EFCAB6: variants seen among roughly 807,000 people sequenced by gnomAD.
EFCAB6 encodes the protein EF-hand calcium binding domain 6.
In EFCAB6, 156 loss-of-function variants were observed where a neutral mutation model predicts 169.8. That is an observed-to-expected ratio of 0.92 (90% CI 0.81 to 1.05). EFCAB6 has a LOEUF of 1.05. EFCAB6 is among the 50% of genes least tolerant of loss of function. EFCAB6 has a pLI of 0.00. For missense variants in EFCAB6, 1,800 were observed against 1,829.1 expected (o/e 0.98, Z 0.29); for synonymous variants, 698 against 676.4 (o/e 1.03, Z -0.50).
intron 10 of EFCAB6, among the ~76,000 whole-genome samples, chr22:43,701,651 G>C (rs1304592314): frequency 6.6e-6 from 1 of 150,562 alleles, no homozygotes; most frequent in Non-Finnish European, 1.5e-5. Flanking sequence ...TGGGAAAATA[G>C]ATTATCTATT....
chr22:43,749,421 C>A (rs1249136916), intron 6 of EFCAB6, among the ~76,000 whole-genome samples: 4 of 151,966 alleles, frequency 2.6e-5, no homozygotes, highest in African/African-American at 9.7e-5. Context: ...GTACCGGGGA[C>A]CAGTTTTGTG....
At chr22:43,703,009 A>T (rs1191519172) in intron 10 of EFCAB6, among the ~76,000 whole-genome samples, 1 of 152,186 alleles carries the variant, frequency 6.6e-6, no homozygotes, top group Non-Finnish European at 1.5e-5. Context: ...GCAGGAAGGC[A>T]AACGTGAACT....
At position 43,687,467 on chromosome 22, in the gene EFCAB6, A is replaced by C; in HGVS notation, c.1142+4T>G. 7.9e-7 allele frequency: 1 copy of C among 1,259,984 alleles called. No homozygotes were observed. Among genetic ancestry groups the C allele is most frequent in the Non-Finnish European group, 1.1e-6 (1 of 944,126 alleles). 78.1% of individuals were successfully genotyped at this position (1,259,984 alleles called of 1,614,324 possible). A position where few individuals can be genotyped will look rare whatever the true frequency, so the allele number is the denominator to read the frequency against. ...AATTTGTTTTTTTTTTTTTTTTTAC[A>C]TACCTATTTCTTTTTGTCAGGGGAC... On this transcript the variant is annotated splice_donor_region_variant and intron_variant, in intron 11 of 31. Coordinates refer to ENST00000262726, the MANE Select transcript of EFCAB6 (RefSeq NM_022785.4).
At chr22:43,715,869 T>C (rs1213017887) in intron 9 of EFCAB6, among the ~76,000 whole-genome samples, 1 of 152,244 alleles carries the variant, frequency 6.6e-6, no homozygotes, top group African/African-American at 2.4e-5. Context: ...TTATCGACAC[T>C]GGCTTTGTGA....
intron 2 of EFCAB6, among the ~76,000 whole-genome samples, chr22:43,784,582 C>T (rs867021413): frequency 0.033 from 1,941 of 58,718 alleles, 129 homozygotes; most frequent in African/African-American, 0.1. Flanking sequence ...TACATATACA[C>T]ATATATATGT....
intron 6 of EFCAB6, 25 bp downstream of exon 6, chr22:43,755,741 A>T: frequency 6.3e-7 from 1 of 1,576,656 alleles, no homozygotes; most frequent in South Asian, 1.2e-5. Flanking sequence ...GTGGGGGGAA[A>T]TCATTTCTTT....
chr22:43,722,329 A>T (rs752146411), intron 8 of EFCAB6, among the ~76,000 whole-genome samples: 1 of 151,318 alleles, frequency 6.6e-6, no homozygotes, highest in Non-Finnish European at 1.5e-5. Context: ...GATCGAGACC[A>T]TCCTGGCTAA....
chr22:43,797,389 G>T (rs2062549356), intron 2 of EFCAB6: 1 of 152,566 alleles, frequency 6.6e-6, no homozygotes. Context: ...GCACAGATTG[G>T]CGGACAGATT....
intron 14 of EFCAB6, 26 bp from the exon 15 acceptor site, chr22:43,672,159 C>T: frequency 6.2e-7 from 1 of 1,613,196 alleles, no homozygotes; most frequent in Non-Finnish European, 8.5e-7. Flanking sequence ...AAACATATTT[C>T]CTAAGCCATA....
At chr22:43,750,347 C>T (rs768832254) in intron 6 of EFCAB6, among the ~76,000 whole-genome samples, 6 of 152,092 alleles carry the variant, frequency 3.9e-5, no homozygotes, top group South Asian at 2.1e-4. Flanking sequence ...TTTAGATGCA[C>T]GGAGACACAA....
chr22:43,551,797 T>C (rs1602208641), intron 27 of EFCAB6: 1 of 151,996 alleles, frequency 6.6e-6, no homozygotes, highest in Non-Finnish European at 1.5e-5. Flanking sequence ...CTGAGGATAA[T>C]GGCTTCTAAC....
intron 7 of EFCAB6, among the ~76,000 whole-genome samples, chr22:43,732,631 T>C (rs2059996936): frequency 6.6e-6 from 1 of 151,940 alleles, no homozygotes; most frequent in Admixed American, 6.6e-5. Context: ...CACGCCTGGC[T>C]AATTTTTGTA....
At chr22:43,650,045 TG>T (rs1309619542) in intron 17 of EFCAB6, among the ~76,000 whole-genome samples, 1 of 152,164 alleles carries the variant, frequency 6.6e-6, no homozygotes. Flanking sequence ...TTAAGCTGTG[TG>T]GGGCAGAAGA....
intron 17 of EFCAB6, among the ~76,000 whole-genome samples, chr22:43,654,410 T>A (rs901005844): frequency 1.3e-5 from 2 of 152,170 alleles, no homozygotes; most frequent in Non-Finnish European, 2.9e-5. Flanking sequence ...CAAAGTCAGG[T>A]AACACACTTC....
At chr22:43,718,394 C>T (rs1015204460) in intron 8 of EFCAB6, among the ~76,000 whole-genome samples, 10 of 152,060 alleles carry the variant, frequency 6.6e-5, no homozygotes, top group Admixed American at 6.5e-4. Context: ...AACTGCCAGT[C>T]ATCTGGAATT....
intron 17 of EFCAB6, among the ~76,000 whole-genome samples, chr22:43,654,152 T>A (rs142115144): frequency 1.3e-5 from 2 of 152,260 alleles, no homozygotes; most frequent in African/African-American, 4.8e-5. Context: ...TAATGAGGCA[T>A]GAGTCCATTC....
chr22:43,657,938 G>A (rs1277019448), intron 17 of EFCAB6, among the ~76,000 whole-genome samples: 2 of 152,090 alleles, frequency 1.3e-5, no homozygotes, highest in African/African-American at 2.4e-5. Context: ...TCTTTTCAAA[G>A]GCATCTAAGG....
chr22:43,590,022 C>T, intron 24 of EFCAB6, 52 bp downstream of exon 24: 2 of 1,581,542 alleles, frequency 1.3e-6, no homozygotes, highest in East Asian at 2.2e-5. Context: ...GGCAATTCTC[C>T]AGTATGTTTT....
rs758076851 is a variant in EFCAB6 at position 43,669,051 on chromosome 22, T to A, written c.1641-6A>T. 6.3e-7 allele frequency: 1 copy of A among 1,594,268 alleles called. No homozygotes were observed. Among genetic ancestry groups the A allele is most frequent in the East Asian group, 2.3e-5 (1 of 44,308 alleles). On this transcript the variant is annotated splice_polypyrimidine_tract_variant and splice_region_variant and intron_variant, in intron 15 of 31. Coordinates refer to ENST00000262726, the MANE Select transcript of EFCAB6 (RefSeq NM_022785.4). ...CCTGAATCTTACTGCAGAGTCTGAATTTTAAAAAATAATTAAAACACACTC... is the reference window on the plus strand; with the variant it reads ...CCTGAATCTTACTGCAGAGTCTGAAATTTAAAAAATAATTAAAACACACTC...
Sources: allele counts gnomAD v4.1 joint callset (sites outside exome capture counted in the v4.1 genomes callset), GRCh38; gene constraint gnomAD v4.1.1; transcripts MANE v1.5; gene names NCBI Gene and HGNC (gene_info 2026-07-23, HGNC 2026-07-21).